CDK13: variants seen among roughly 807,000 people sequenced by gnomAD.
CDK13 encodes the protein cyclin-dependent kinase 13.
In CDK13, 40 loss-of-function variants were observed where a neutral mutation model predicts 137.6. The observed-to-expected ratio is 0.29, with a 90% CI of 0.23 to 0.38. The LOEUF is 0.38. Among genes scored for constraint, CDK13 ranks in the 10% least tolerant of loss-of-function variants. The pLI, the probability that CDK13 is intolerant of heterozygous loss-of-function variation, is 1.00. For synonymous variants in CDK13, 869 were observed against 760.1 expected (o/e 1.14, Z -2.36); for missense variants, 1,704 against 1,951.8 (o/e 0.87, Z 2.39).
chr7:39,955,909 T>G (rs1787391904), intron 1 of CDK13, among the ~76,000 whole-genome samples: 1 of 152,062 alleles, frequency 6.6e-6, no homozygotes, highest in Admixed American at 6.6e-5. Flanking sequence ...GGAAGTTCCA[T>G]TCCACCAAGA....
chr7:39,950,410 C>T lies in CDK13; in HGVS notation c.-232C>T. The T allele has an allele frequency of 8.1e-7, 1 of 1,231,492 alleles. No individual in the cohort carries two copies. The highest frequency in any genetic ancestry group is 1.0e-6 in the Non-Finnish European group (1 of 987,782). The allele number at this position is 1,231,492 out of a possible 1,614,324, so 76.3% of individuals were successfully genotyped here. A position where few individuals can be genotyped will look rare whatever the true frequency, so the allele number is the denominator to read the frequency against. ...ATAGGACGACGAGCGCAATCGGGAG[C>T]TCCGCCGCCCGGATTCCTGCTTCCC... On this transcript the variant is annotated 5_prime_UTR_variant, in exon 1 of 14. Coordinates refer to ENST00000181839, the MANE Select transcript of CDK13 (RefSeq NM_003718.5).
At chr7:40,080,445 T>C (rs1261898457) in intron 11 of CDK13, among the ~76,000 whole-genome samples, 1 of 152,152 alleles carries the variant, frequency 6.6e-6, no homozygotes, top group African/African-American at 2.4e-5. Context: ...ATCAGTTAGA[T>C]AGTGCTTATT....
intron 5 of CDK13, among the ~76,000 whole-genome samples, chr7:40,002,978 C>G (rs1358714072): frequency 2.0e-5 from 3 of 151,782 alleles, no homozygotes; most frequent in Non-Finnish European, 4.4e-5. Context: ...ACTCAGGAGG[C>G]TGAGGCAGGA....
chr7:39,956,174 T>A (rs1467221339), intron 1 of CDK13, among the ~76,000 whole-genome samples: 1 of 152,106 alleles, frequency 6.6e-6, no homozygotes. Flanking sequence ...CCTAGGTGAA[T>A]GGAATTCTTA....
intron 5 of CDK13, among the ~76,000 whole-genome samples, chr7:40,009,645 T>A (rs1288967858): frequency 6.6e-6 from 1 of 152,232 alleles, no homozygotes; most frequent in Admixed American, 6.5e-5. Context: ...AGGAATTGAA[T>A]TGATAGACCG....
At chr7:39,971,661 G>C (rs1264921723) in intron 1 of CDK13, among the ~76,000 whole-genome samples, 2 of 149,184 alleles carry the variant, frequency 1.3e-5, no homozygotes, top group African/African-American at 4.9e-5. Context: ...AAGGCAGGCA[G>C]ATCACGAGGT....
chr7:39,962,532 G>A (rs1428003604), intron 1 of CDK13, among the ~76,000 whole-genome samples: 1 of 151,896 alleles, frequency 6.6e-6, no homozygotes, highest in Non-Finnish European at 1.5e-5. Flanking sequence ...CTGAATATTA[G>A]CCCTTTGTCA....
In CDK13 at chr7:40,094,029, T is replaced by G. The variant is rs1008840922; in HGVS notation, c.3689-101T>G. ...TTTAACATTTTGCCAGAGATGGAAC[T>G]TCTAATCATCTTTAGAACTACCTAC... is the stretch of plus-strand genomic sequence containing the variant. On this transcript the variant is annotated intron_variant, in intron 13 of 13. Transcript: ENST00000181839. 3.6e-6 allele frequency: 5 copies of G among 1,373,276 alleles called. No homozygotes were observed. In the African/African-American group the frequency reaches 7.3e-5, roughly 20 times the overall value. The allele number at this position is 1,373,276 out of a possible 1,614,324, so 85.1% of individuals were successfully genotyped here. A position where few individuals can be genotyped will look rare whatever the true frequency, so the allele number is the denominator to read the frequency against.
At chr7:39,977,314 A>T (rs1375211314) in intron 1 of CDK13, among the ~76,000 whole-genome samples, 1 of 152,178 alleles carries the variant, frequency 6.6e-6, no homozygotes, top group Non-Finnish European at 1.5e-5. Context: ...AATTCTTTTC[A>T]ATAGGAATAC....
At chr7:40,057,572 G>A (rs1249654098) in intron 7 of CDK13, among the ~76,000 whole-genome samples, 1 of 152,234 alleles carries the variant, frequency 6.6e-6, no homozygotes, top group Non-Finnish European at 1.5e-5. Flanking sequence ...AGCTGCCATA[G>A]AAGGGAGGAG....
chr7:40,009,624 A>T, intron 5 of CDK13, among the ~76,000 whole-genome samples: 1 of 152,200 alleles, frequency 6.6e-6, no homozygotes, highest in East Asian at 1.9e-4. Flanking sequence ...TATTTCCTTA[A>T]ATAGATCAAT....
chr7:40,034,176 G>C (rs936985013), intron 5 of CDK13, among the ~76,000 whole-genome samples: 3 of 152,158 alleles, frequency 2.0e-5, no homozygotes, highest in African/African-American at 7.2e-5. Flanking sequence ...ATTAAAACTT[G>C]TTCACACTGA....
chr7:39,978,737 GAC>G (rs1048962796), intron 1 of CDK13, among the ~76,000 whole-genome samples: 2 of 152,192 alleles, frequency 1.3e-5, no homozygotes, highest in South Asian at 2.1e-4. Flanking sequence ...TGGAGTCTGA[GAC>G]ACAGCATTTC....
chr7:40,081,762 G>A (rs1197167732), intron 11 of CDK13, among the ~76,000 whole-genome samples: 2 of 152,102 alleles, frequency 1.3e-5, no homozygotes, highest in Non-Finnish European at 2.9e-5. Context: ...ACAGGCATGC[G>A]CTACCACGCC....
intron 1 of CDK13, among the ~76,000 whole-genome samples, chr7:39,955,914 C>G (rs895801650): frequency 1.3e-5 from 2 of 151,576 alleles, no homozygotes; most frequent in African/African-American, 4.8e-5. Flanking sequence ...TTCCATTCCA[C>G]CAAGAAGCAC....
intron 9 of CDK13, among the ~76,000 whole-genome samples, chr7:40,068,606 A>G (rs1369653656): frequency 1.3e-5 from 2 of 150,096 alleles, no homozygotes; most frequent in African/African-American, 4.9e-5. Context: ...AGGCAGGAAC[A>G]TCCTGCCTCA....
chr7:40,022,544 AC>A (rs1433812893), intron 5 of CDK13, among the ~76,000 whole-genome samples: 3 of 152,022 alleles, frequency 2.0e-5, no homozygotes, highest in Non-Finnish European at 4.4e-5. Context: ...CCAATTATAT[AC>A]CAAACATTGT....
At chr7:40,084,096 G>A (rs1163122141) in intron 11 of CDK13, among the ~76,000 whole-genome samples, 1 of 152,140 alleles carries the variant, frequency 6.6e-6, no homozygotes, top group Non-Finnish European at 1.5e-5. Flanking sequence ...TATAATTCCA[G>A]CACTTTGGGA....
rs942512105 is a variant in CDK13, at chr7:40,095,120, A to G, written c.*140A>G. On this transcript the variant is annotated 3_prime_UTR_variant, in exon 14 of 14. Coordinates refer to ENST00000181839, the MANE Select transcript of CDK13 (RefSeq NM_003718.5). ...TATGTGGAGAAGGGTCTTGCATACA[A>G]TAGTTTAAAAAAGACAAAAAAAACC... 3.7e-5 allele frequency: 26 copies of G among 707,670 alleles called. No homozygotes were observed. Among genetic ancestry groups the G allele is most frequent in the East Asian group, 1.6e-4 (5 of 31,914 alleles). The allele number at this position is 707,670 out of a possible 1,614,324, so 43.8% of individuals were successfully genotyped here.
Sources: allele counts gnomAD v4.1 joint callset (sites outside exome capture counted in the v4.1 genomes callset), GRCh38; gene constraint gnomAD v4.1.1; transcripts MANE v1.5; gene names NCBI Gene and HGNC (gene_info 2026-07-23, HGNC 2026-07-21).